Variants in RFX4 observed in about 807,000 individuals in gnomAD.
RFX4 encodes the protein regulatory factor X4.
RFX4 carries 10 observed loss-of-function variants against 95.0 expected under a neutral mutation model. The observed-to-expected ratio is 0.11, with a 90% CI of 0.06 to 0.18. The LOEUF is 0.18. RFX4 is among the 10% of genes least tolerant of loss of function. RFX4 has a pLI of 1.00. For missense variants in RFX4, 640 were observed against 922.0 expected, an observed-to-expected ratio of 0.69 and a Z score of 3.96; for synonymous variants, 321 against 340.7, an observed-to-expected ratio of 0.94 and a Z score of 0.64.
intron 1 of RFX4, among the ~76,000 whole-genome samples, chr12:106,605,237 A>G (rs2039803447): frequency 6.6e-6 from 1 of 152,212 alleles, no homozygotes; most frequent in Admixed American, 6.5e-5. Flanking sequence ...AATTCAGTAT[A>G]CATGTCATTC....
At chr12:106,608,706 A>G in intron 1 of RFX4, 91 bp from the exon 2 acceptor site, 1 of 1,148,548 alleles carries the variant, frequency 8.7e-7, no homozygotes, top group Non-Finnish European at 1.2e-6. Flanking sequence ...TGCATTTATG[A>G]TGTTCTGTCT....
At chr12:106,656,501 G>A (rs1189138616) in intron 4 of RFX4, among the ~76,000 whole-genome samples, 1 of 152,146 alleles carries the variant, frequency 6.6e-6, no homozygotes, top group South Asian at 2.1e-4. Context: ...TGTAGGAGAG[G>A]TTTACATCCC....
chr12:106,716,922 A>T (rs1459974388), intron 11 of RFX4, among the ~76,000 whole-genome samples: 2 of 150,694 alleles, frequency 1.3e-5, no homozygotes, highest in Non-Finnish European at 2.9e-5. Flanking sequence ...AGCTGAACCC[A>T]AGTCTGGTCT....
chr12:106,750,881 C>A, intron 17 of RFX4, 88 bp downstream of exon 17: 1 of 1,254,340 alleles, frequency 8.0e-7, no homozygotes, highest in Non-Finnish European at 1.0e-6. Context: ...GTTATGCATA[C>A]TGTGTGTGCA....
At chr12:106,611,560 G>A (rs1409483491) in intron 2 of RFX4, among the ~76,000 whole-genome samples, 2 of 151,648 alleles carry the variant, frequency 1.3e-5, no homozygotes, top group African/African-American at 4.9e-5. Flanking sequence ...GCCCAGGCTG[G>A]AGTACAGTGG....
intron 2 of RFX4, among the ~76,000 whole-genome samples, chr12:106,628,500 T>C (rs1047926041): frequency 6.6e-6 from 1 of 152,210 alleles, no homozygotes; most frequent in Admixed American, 6.5e-5. Flanking sequence ...TCCATTTGAG[T>C]AGATTCTTCC....
At chr12:106,620,141 C>A (rs1328651998) in intron 2 of RFX4, among the ~76,000 whole-genome samples, 1 of 151,998 alleles carries the variant, frequency 6.6e-6, no homozygotes, top group Non-Finnish European at 1.5e-5. Context: ...ATTTTTGGTC[C>A]TTTTGAGGTT....
intron 15 of RFX4, among the ~76,000 whole-genome samples, chr12:106,738,748 G>A (rs983573350): frequency 2.0e-5 from 3 of 152,146 alleles, no homozygotes; most frequent in African/African-American, 7.2e-5. Flanking sequence ...GGCATGTAAT[G>A]TGGGTCATGG....
chr12:106,599,019 G>C lies in RFX4; in HGVS notation c.44-9778G>C, dbSNP rs563969178. The stretch of plus-strand genomic sequence containing the variant: ...TTCCCAGGGATATTTTCAGAGCCGA[G>C]ATCTGCTTTTACATTGAATTTATCT... On this transcript the variant is annotated intron_variant, in intron 1 of 17. Transcript: ENST00000392842. 3.3e-5 allele frequency among the ~76,000 whole-genome samples: 5 copies of C among 152,238 alleles called. No individual in the cohort carries two copies. The South Asian group carries it at 1.0e-3, about 32-fold the overall frequency.
At chr12:106,672,763 T>TA (rs58826004) in intron 4 of RFX4, among the ~76,000 whole-genome samples, 35,303 of 130,774 alleles carry the variant, frequency 0.27, 4,630 homozygotes, top group South Asian at 0.39. Flanking sequence ...AAGAAACACT[T>TA]AAAAAAAAAA....
At position 106,616,240 on chromosome 12, in the gene RFX4, A is replaced by AT. The variant is rs1488617528; in HGVS notation, c.130+7359dup. Among the ~76,000 whole-genome samples the AT allele has an allele frequency of 7.2e-5, 11 of 152,298 alleles. No homozygotes were observed. The East Asian group carries it at 2.1e-3, about 29-fold the overall frequency. On this transcript the variant is annotated intron_variant, in intron 2 of 17. Coordinates refer to ENST00000392842, the MANE Select transcript of RFX4 (RefSeq NM_213594.3). Reference sequence around the variant, plus strand: ...ATCATATATTTTTCTCCTTTATTCTATTAATACTGGGAATTACATCGGTTG... The same window carrying AT: ...ATCATATATTTTTCTCCTTTATTCTATTTAATACTGGGAATTACATCGGTTG...
chr12:106,594,029 G>A (rs758025036), intron 1 of RFX4, among the ~76,000 whole-genome samples: 1 of 152,184 alleles, frequency 6.6e-6, no homozygotes. Flanking sequence ...CCTTTGTAAA[G>A]TTATTTGCCT....
chr12:106,621,297 C>T (rs184141073), intron 2 of RFX4, among the ~76,000 whole-genome samples: 52 of 152,334 alleles, frequency 3.4e-4, no homozygotes, highest in African/African-American at 1.2e-3. Context: ...TGTTCGGGGT[C>T]CCTGACTTCC....
chr12:106,745,370 C>A (rs1250660501), intron 15 of RFX4, among the ~76,000 whole-genome samples: 1 of 152,150 alleles, frequency 6.6e-6, no homozygotes, highest in Non-Finnish European at 1.5e-5. Flanking sequence ...ATCTTTGTCA[C>A]CTCATTACAA....
intron 8 of RFX4, among the ~76,000 whole-genome samples, chr12:106,701,837 C>T (rs773567160): frequency 2.0e-5 from 3 of 152,190 alleles, no homozygotes; most frequent in Admixed American, 6.5e-5. Flanking sequence ...GCCCAGACAA[C>T]ATAGCAAGAT....
intron 3 of RFX4, among the ~76,000 whole-genome samples, chr12:106,648,888 T>G (rs982652093): frequency 2.0e-5 from 3 of 152,116 alleles, no homozygotes; most frequent in Non-Finnish European, 4.4e-5. Flanking sequence ...TGTAAAGTGC[T>G]GATACAAAGC....
At chr12:106,745,824 A>G (rs1452340342) in intron 15 of RFX4, among the ~76,000 whole-genome samples, 1 of 152,220 alleles carries the variant, frequency 6.6e-6, no homozygotes, top group Admixed American at 6.5e-5. Context: ...TCTGCCTTCT[A>G]AAACAAGTTT....
chr12:106,612,307 T>C (rs912733995), intron 2 of RFX4, among the ~76,000 whole-genome samples: 1 of 152,246 alleles, frequency 6.6e-6, no homozygotes, highest in African/African-American at 2.4e-5. Context: ...TAGTTTTCAG[T>C]GTACAAGTGT....
At chr12:106,694,594 G>C (rs1310619846) in intron 7 of RFX4, among the ~76,000 whole-genome samples, 1 of 152,146 alleles carries the variant, frequency 6.6e-6, no homozygotes, top group Non-Finnish European at 1.5e-5. Flanking sequence ...GGCAGACATA[G>C]GCTCTATCTC....
Sources: gnomAD v4.1 joint callset for allele counts (sites outside exome capture counted in the v4.1 genomes callset) on GRCh38, gnomAD v4.1.1 for gene constraint, MANE v1.5 for transcripts, NCBI Gene and HGNC (gene_info 2026-07-23, HGNC 2026-07-21) for gene names.